Variants in FGF12 observed in about 807,000 individuals in gnomAD.
FGF12 encodes fibroblast growth factor 12, also known as fibroblast growth factor 12B.
Under a neutral mutation model 23.6 loss-of-function variants are expected in FGF12, and 14 were observed. The ratio of observed to expected loss-of-function variants is 0.59; its 90% confidence interval spans 0.39 to 0.93. The LOEUF (loss-of-function observed/expected upper bound fraction) is 0.93, where lower values mean the gene tolerates loss of function less well. FGF12 is among the 40% of genes least tolerant of loss of function. The pLI is 0.00. For missense variants in FGF12, 175 were observed against 217.8 expected (o/e 0.80, Z 1.24); for synonymous variants, 62 against 77.3 (o/e 0.80, Z 1.04).
At chr3:192,284,831 C>G (rs1325223920) in intron 4 of FGF12, among the ~76,000 whole-genome samples, 1 of 151,912 alleles carries the variant, frequency 6.6e-6, no homozygotes, top group Admixed American at 6.6e-5. Context: ...CTGGAGTCAC[C>G]TAGAAAACTA....
chr3:192,410,826 G>A (rs1159380966), intron 2 of FGF12, among the ~76,000 whole-genome samples: 3 of 152,160 alleles, frequency 2.0e-5, no homozygotes, highest in Non-Finnish European at 2.9e-5. Context: ...GTCTCCAGAC[G>A]TGAATGTGAC....
rs539898105 is a variant in FGF12, at chr3:192,644,629, G to A, written c.13+82552C>T. On this transcript the variant is annotated intron_variant, in intron 2 of 5. Transcript: ENST00000445105. Reference sequence around the variant, plus strand: ...ATCATTAAGTAAATACTTATTGTACGTCAGGTACTATAATAGGCTCTTTAC... The same window carrying A: ...ATCATTAAGTAAATACTTATTGTACATCAGGTACTATAATAGGCTCTTTAC... Among the ~76,000 whole-genome samples the A allele has an allele frequency of 9.9e-5, 15 of 152,162 alleles. No homozygotes were observed. The South Asian group carries it at 1.2e-3, about 13-fold the overall frequency.
chr3:192,706,960 T>C (rs745836856), intron 2 of FGF12, among the ~76,000 whole-genome samples: 4 of 152,134 alleles, frequency 2.6e-5, no homozygotes, highest in Non-Finnish European at 4.4e-5. Context: ...GAATAACCCA[T>C]GCAAAAGTAA....
intron 4 of FGF12, among the ~76,000 whole-genome samples, chr3:192,192,750 A>G (rs953262069): frequency 1.3e-5 from 2 of 152,060 alleles, no homozygotes; most frequent in African/African-American, 2.4e-5. Context: ...TTAATTCTAT[A>G]TTGTTGCATT....
At chr3:192,202,434 G>C (rs1281794619) in intron 4 of FGF12, among the ~76,000 whole-genome samples, 1 of 152,166 alleles carries the variant, frequency 6.6e-6, no homozygotes, top group Non-Finnish European at 1.5e-5. Context: ...TTTGGTCTTA[G>C]GCACAGATTT....
At chr3:192,196,182 AT>A (rs1214693180) in intron 4 of FGF12, among the ~76,000 whole-genome samples, 1 of 152,164 alleles carries the variant, frequency 6.6e-6, no homozygotes, top group Non-Finnish European at 1.5e-5. Flanking sequence ...TTTCAAAGAG[AT>A]TGGCACTCCC....
intron 2 of FGF12, among the ~76,000 whole-genome samples, chr3:192,708,538 T>C (rs747275211): frequency 5.3e-5 from 8 of 152,204 alleles, no homozygotes; most frequent in African/African-American, 1.9e-4. Context: ...CAGAATGACA[T>C]AGTCCCTATA....
chr3:192,652,138 A>C (rs1197386200), intron 2 of FGF12, among the ~76,000 whole-genome samples: 1 of 152,210 alleles, frequency 6.6e-6, no homozygotes, highest in East Asian at 1.9e-4. Context: ...GGAGAGATTA[A>C]AGTGGATAAA....
chr3:192,588,520 CAAT>C, intron 2 of FGF12, among the ~76,000 whole-genome samples: 1 of 151,142 alleles, frequency 6.6e-6, no homozygotes, highest in East Asian at 1.9e-4. Flanking sequence ...AAAATTAAAA[CAAT>C]AATAGTAACG....
At position 192,537,950 on chromosome 3, in the gene FGF12, C is replaced by CTTTTTTTTTTTTTTTTTTTTTTTTTTTTT. The variant is rs370317111; in HGVS notation, c.14-177413_14-177412insAAAAAAAAAAAAAAAAAAAAAAAAAAAAA. Among the ~76,000 whole-genome samples, 41 of 121,358 alleles carry CTTTTTTTTTTTTTTTTTTTTTTTTTTTTT rather than the reference C, an allele frequency of 3.4e-4. 7 individuals are homozygous for CTTTTTTTTTTTTTTTTTTTTTTTTTTTTT. Among genetic ancestry groups the CTTTTTTTTTTTTTTTTTTTTTTTTTTTTT allele is most frequent in the Admixed American group, 5.2e-4 (6 of 11,594 alleles). 79.6% of individuals were successfully genotyped at this position (121,358 alleles called of 152,430 possible). ...AAGGTCTTAGATTTAAGCCTTTAAC[C>CTTTTTTTTTTTTTTTTTTTTTTTTTTTTT]TTTTTTTTTTTTTGAGATGGAGTTT... is the stretch of plus-strand genomic sequence containing the variant. On this transcript the variant is annotated intron_variant, in intron 2 of 5. Coordinates refer to ENST00000445105, the MANE Select transcript of FGF12 (RefSeq NM_004113.6).
intron 2 of FGF12, among the ~76,000 whole-genome samples, chr3:192,548,141 C>T (rs1009816841): frequency 6.6e-6 from 1 of 152,054 alleles, no homozygotes; most frequent in African/African-American, 2.4e-5. Context: ...TACACATTTC[C>T]TGTTTTTTAA....
intron 2 of FGF12, among the ~76,000 whole-genome samples, chr3:192,438,808 C>T (rs890648737): frequency 6.6e-6 from 1 of 152,178 alleles, no homozygotes; most frequent in Non-Finnish European, 1.5e-5. Context: ...CATGTCAAAG[C>T]CTCTTAGTCT....
At chr3:192,725,298 T>C (rs113368643) in intron 2 of FGF12, among the ~76,000 whole-genome samples, 7 of 151,974 alleles carry the variant, frequency 4.6e-5, no homozygotes, top group South Asian at 4.2e-4. Context: ...TTTTTTTTTT[T>C]CAGAGGCAAT....
intron 2 of FGF12, among the ~76,000 whole-genome samples, chr3:192,362,219 G>A (rs140157994): frequency 7.1e-4 from 108 of 152,050 alleles, no homozygotes; most frequent in Middle Eastern, 3.4e-3. Flanking sequence ...GCTAGCTAAC[G>A]TCACTGCAAA....
chr3:192,238,469 C>T (rs932728588), intron 4 of FGF12: 1 of 152,130 alleles, frequency 6.6e-6, no homozygotes, highest in Non-Finnish European at 1.5e-5. Context: ...CAGGGGGAGA[C>T]AATGGGTGGA....
intron 4 of FGF12, among the ~76,000 whole-genome samples, chr3:192,201,416 A>G (rs1001772251): frequency 5.9e-5 from 9 of 152,200 alleles, no homozygotes; most frequent in Non-Finnish European, 1.3e-4. Flanking sequence ...CAGGTCTTTA[A>G]AATTCATTTT....
At chr3:192,722,606 C>A (rs565583897) in intron 2 of FGF12, among the ~76,000 whole-genome samples, 1 of 152,110 alleles carries the variant, frequency 6.6e-6, no homozygotes, top group Non-Finnish European at 1.5e-5. Flanking sequence ...TTTCTGGGAG[C>A]CCTCCTGGTA....
chr3:192,423,198 G>A (rs1721585117), intron 2 of FGF12, among the ~76,000 whole-genome samples: 1 of 152,064 alleles, frequency 6.6e-6, no homozygotes, highest in Admixed American at 6.6e-5. Context: ...TTTTGTTAGA[G>A]AGCCCCCTGT....
At chr3:192,534,309 T>G (rs1253584322) in intron 2 of FGF12, among the ~76,000 whole-genome samples, 1 of 152,200 alleles carries the variant, frequency 6.6e-6, no homozygotes, top group Non-Finnish European at 1.5e-5. Flanking sequence ...TTTAAAAAAT[T>G]AACTTATATT....
Sources: gnomAD v4.1 joint callset for allele counts (sites outside exome capture counted in the v4.1 genomes callset) on GRCh38, gnomAD v4.1.1 for gene constraint, MANE v1.5 for transcripts, NCBI Gene and HGNC (gene_info 2026-07-23, HGNC 2026-07-21) for gene names.